Variants in TRPS1 observed in about 807,000 individuals in gnomAD.
TRPS1 encodes zinc finger transcription factor Trps1.
A neutral mutation model predicts 101.2 loss-of-function variants in TRPS1; 6 were observed. The observed-to-expected ratio is 0.06, with a 90% confidence interval of 0.03 to 0.12. TRPS1 has a LOEUF of 0.12. Among genes scored for constraint, TRPS1 ranks in the 10% least tolerant of loss-of-function variants. The pLI is 1.00. For synonymous variants in TRPS1, 578 were observed against 589.8 expected (o/e 0.98, Z 0.29); for missense variants, 1,363 against 1,567.0 (o/e 0.87, Z 2.20).
chr8:115,604,828 A>C lies in TRPS1; in HGVS notation c.1141T>G (p.Ser381Ala). The C allele has an allele frequency of 6.2e-7, 1 of 1,613,998 alleles. No individual in the cohort carries two copies. The highest frequency in any genetic ancestry group is 1.3e-5 in the African/African-American group (1 of 75,012). Residue 381 changes from serine (S) to alanine (A), a missense_variant, in exon 4 of 7, where the codon TCC (serine) becomes GCC (alanine). Physicochemically the swap from Ser to Ala is moderately conservative, Grantham distance 99. This residue lies in a region of TRPS1 where 1,020 missense variants were observed against 1,073.0 expected (regional missense o/e 0.95). Coordinates refer to ENST00000395715, the MANE Select transcript of TRPS1 (RefSeq NM_014112.5). This position sits in a 1 kb window ranked among gnomAD's most constrained non-coding sequence, Gnocchi z 4.1. ...HPNKIKASLPSSEVAKPSEKN... is the reference protein window; with the variant it reads ...HPNKIKASLPASEVAKPSEKN... ...TCTGAAGGTTTTGCAACCTCAGAGG[A>C]GGGGAGAGAAGCTTTTATTTTGTTT...
At chr8:115,582,635 G>T (rs1817477452) in intron 5 of TRPS1, among the ~76,000 whole-genome samples, 1 of 152,136 alleles carries the variant, frequency 6.6e-6, no homozygotes. Context: ...CAGATGAACG[G>T]AGATCCTGGG....
At chr8:115,422,369 C>CTT (rs776277522) in intron 5 of TRPS1, among the ~76,000 whole-genome samples, 40 of 143,106 alleles carry the variant, frequency 2.8e-4, no homozygotes, top group African/African-American at 8.2e-4. Context: ...ACTTTCCACA[C>CTT]TTTTTTTTTT....
At chr8:115,468,873 C>T (rs959926107) in intron 5 of TRPS1, among the ~76,000 whole-genome samples, 29 of 151,958 alleles carry the variant, frequency 1.9e-4, no homozygotes, top group African/African-American at 6.8e-4. Context: ...GGCATGGTGG[C>T]TCACTCCTGT....
chr8:115,549,755 A>G lies in TRPS1; in HGVS notation c.2700+37246T>C, dbSNP rs1816660731. Among the ~76,000 whole-genome samples, 3 of 151,352 alleles carry G rather than the reference A, an allele frequency of 2.0e-5. No homozygotes were observed. In the Admixed American group the frequency reaches 2.0e-4, roughly 10 times the overall value. On this transcript the variant is annotated intron_variant, in intron 5 of 6. Coordinates refer to ENST00000395715, the MANE Select transcript of TRPS1 (RefSeq NM_014112.5). ...AGGAAGTGTTAAATTAGAGTAAATTAGAGTTTTACTGGATAAACTCAAGAA... is the reference window on the plus strand; with the variant it reads ...AGGAAGTGTTAAATTAGAGTAAATTGGAGTTTTACTGGATAAACTCAAGAA...
intron 1 of TRPS1, among the ~76,000 whole-genome samples, chr8:115,631,343 T>C (rs1818636635): frequency 6.6e-6 from 1 of 152,106 alleles, no homozygotes; most frequent in South Asian, 2.1e-4. Context: ...TATTAACAGC[T>C]ATCCATTCAT....
At chr8:115,551,810 T>C (rs1816711946) in intron 5 of TRPS1, among the ~76,000 whole-genome samples, 1 of 152,200 alleles carries the variant, frequency 6.6e-6, no homozygotes, top group Non-Finnish European at 1.5e-5. Context: ...CATTTTATAA[T>C]CTAAATTGGG....
intron 5 of TRPS1, among the ~76,000 whole-genome samples, chr8:115,550,343 T>A (rs957734145): frequency 6.6e-6 from 1 of 152,184 alleles, no homozygotes; most frequent in Non-Finnish European, 1.5e-5. Flanking sequence ...TTCCAGCTCT[T>A]AAGTCAGATA....
intron 1 of TRPS1, among the ~76,000 whole-genome samples, chr8:115,642,869 T>C (rs1474800989): frequency 6.8e-6 from 1 of 147,822 alleles, no homozygotes. Flanking sequence ...TATATAAATA[T>C]ATATATTTAA....
At chr8:115,470,585 AC>A (rs1156425461) in intron 5 of TRPS1, among the ~76,000 whole-genome samples, 32 of 152,322 alleles carry the variant, frequency 2.1e-4, no homozygotes, top group African/African-American at 7.7e-4. Context: ...TCTGGTCAAT[AC>A]AGTTTTATTA....
chr8:115,665,651 TTA>T (rs1811905084), intron 1 of TRPS1, among the ~76,000 whole-genome samples: 1 of 152,190 alleles, frequency 6.6e-6, no homozygotes, highest in South Asian at 2.1e-4. Flanking sequence ...GCAGAAAATT[TTA>T]TAAAATCATT....
intron 5 of TRPS1, among the ~76,000 whole-genome samples, chr8:115,425,580 C>T (rs1050110305): frequency 1.6e-4 from 25 of 152,196 alleles, no homozygotes; most frequent in Non-Finnish European, 3.5e-4. Flanking sequence ...TAGGGAGCTA[C>T]CCGATATATC....
At chr8:115,578,145 T>C (rs1250699127) in intron 5 of TRPS1, among the ~76,000 whole-genome samples, 4 of 152,214 alleles carry the variant, frequency 2.6e-5, no homozygotes, top group African/African-American at 9.6e-5. Context: ...GTATCGGACA[T>C]GTACTGTATT....
chr8:115,611,517 G>C (rs570085553), intron 3 of TRPS1, among the ~76,000 whole-genome samples: 89 of 152,304 alleles, frequency 5.8e-4, no homozygotes, highest in Non-Finnish European at 9.3e-4. Flanking sequence ...ACATGCTTCT[G>C]CTGAGACATG....
At chr8:115,508,241 A>T (rs1563561982) in intron 5 of TRPS1, among the ~76,000 whole-genome samples, 2 of 152,136 alleles carry the variant, frequency 1.3e-5, no homozygotes, top group African/African-American at 4.8e-5. Flanking sequence ...TGTATATCAC[A>T]AATATAATGG....
intron 5 of TRPS1, among the ~76,000 whole-genome samples, chr8:115,501,130 A>G (rs1454642450): frequency 2.0e-5 from 3 of 152,154 alleles, no homozygotes; most frequent in Non-Finnish European, 4.4e-5. Context: ...AAGTTGTCTG[A>G]CCACTCTTCA....
intron 5 of TRPS1, among the ~76,000 whole-genome samples, chr8:115,535,759 G>A (rs1816304352): frequency 6.6e-6 from 1 of 151,130 alleles, no homozygotes; most frequent in African/African-American, 2.4e-5. Context: ...ACATGTATAT[G>A]TGTATATATA....
At position 115,610,790 on chromosome 8, in the gene TRPS1, T is replaced by C. The variant is rs193159036; in HGVS notation, c.967-5788A>G. ...ATTAATTTTTCTATATTATCTGGTA[T>C]TTCAGATGACAGAGTACCAATAAAT... On this transcript the variant is annotated intron_variant, in intron 3 of 6. Transcript: ENST00000395715. Among the ~76,000 whole-genome samples, 145 of 152,328 alleles carry C rather than the reference T, an allele frequency of 9.5e-4. 1 individual carries two copies. The highest frequency in any genetic ancestry group is 3.4e-3 in the African/African-American group (142 of 41,568).
In TRPS1 at chr8:115,604,372, C is replaced by T. The variant is rs774220292; in HGVS notation, c.1597G>A (p.Val533Ile). ...CAGAACTGACAATTATAGCTCGTTA[C>T]CATATTATCCTCGGCTCCCTTGCTG... ...FSSKGAEDNM[V>I]TSYNCQFCDF... is the part of the protein sequence containing the mutation. The change falls in exon 4 of 7, where the codon GTA (valine) becomes ATA (isoleucine). Residue 533 changes from valine (V) to isoleucine (I), a missense_variant. By Grantham distance (29) the Val-to-Ile change is conservative. Around this residue, in one of 5 missense-constraint regions of TRPS1, gnomAD observed 1,020 missense variants for 1,073.0 expected, o/e 0.95. Transcript: ENST00000395715. This position sits in a 1 kb window ranked among gnomAD's most constrained non-coding sequence, Gnocchi z 4.1. The T allele has an allele frequency of 1.2e-5, 19 of 1,613,898 alleles. No individual in the cohort carries two copies. The highest frequency in any genetic ancestry group is 5.0e-5 in the Admixed American group (3 of 59,990).
At chr8:115,536,834 C>G (rs1314686954) in intron 5 of TRPS1, among the ~76,000 whole-genome samples, 1 of 150,410 alleles carries the variant, frequency 6.6e-6, no homozygotes, top group Non-Finnish European at 1.5e-5. Flanking sequence ...GAAATAGATG[C>G]ATTTTTAATG....
Sources: gnomAD v4.1 joint callset for allele counts (sites outside exome capture counted in the v4.1 genomes callset) on GRCh38, gnomAD v4.1.1 for gene constraint, gnomAD v4.1.1 regional missense constraint, Gnocchi (gnomAD v3.1) non-coding constraint, MANE v1.5 for transcripts, NCBI Gene and HGNC (gene_info 2026-07-23, HGNC 2026-07-21) for gene names.